GPC6: variants seen among roughly 807,000 people sequenced by gnomAD.
The protein encoded by GPC6 is glypican 6.
In GPC6, 14 loss-of-function variants were observed where a neutral mutation model predicts 55.2. That is an observed-to-expected ratio of 0.25 (90% CI 0.17 to 0.40). The LOEUF (loss-of-function observed/expected upper bound fraction) is 0.40, where lower values mean the gene tolerates loss of function less well. Ranked by LOEUF, GPC6 falls within the 10% of genes least tolerant of loss-of-function variation. The pLI, the probability that GPC6 is intolerant of heterozygous loss-of-function variation, is 1.00. For missense variants in GPC6, 641 were observed against 708.5 expected (o/e 0.90, Z 1.08); for synonymous variants, 278 against 259.6 (o/e 1.07, Z -0.68).
intron 3 of GPC6, among the ~76,000 whole-genome samples, chr13:93,972,762 T>C (rs1880338834): frequency 6.6e-6 from 1 of 152,154 alleles, no homozygotes; most frequent in African/African-American, 2.4e-5. Flanking sequence ...ATAGGCCCCT[T>C]CACCCCAATG....
intron 2 of GPC6, among the ~76,000 whole-genome samples, chr13:93,642,178 G>A (rs947239540): frequency 1.3e-5 from 2 of 151,882 alleles, no homozygotes; most frequent in East Asian, 3.9e-4. Context: ...AGTATCTATT[G>A]TTTCCCATCT....
intron 1 of GPC6, among the ~76,000 whole-genome samples, chr13:93,518,121 T>C (rs925355464): frequency 6.6e-6 from 1 of 151,974 alleles, no homozygotes; most frequent in Non-Finnish European, 1.5e-5. Flanking sequence ...AAGTTGATTC[T>C]TTTAAAGGAG....
At chr13:94,083,183 A>G (rs887308068) in intron 4 of GPC6, among the ~76,000 whole-genome samples, 1 of 152,018 alleles carries the variant, frequency 6.6e-6, no homozygotes, top group Non-Finnish European at 1.5e-5. Flanking sequence ...CAGTGGTGCA[A>G]TCTCGGGTCA....
At chr13:93,368,185 G>A (rs998402538) in intron 1 of GPC6, among the ~76,000 whole-genome samples, 1 of 151,826 alleles carries the variant, frequency 6.6e-6, no homozygotes, top group African/African-American at 2.4e-5. Flanking sequence ...TCTTCTCTAT[G>A]TTCAATAATT....
chr13:93,963,566 G>A (rs982296959), intron 3 of GPC6, among the ~76,000 whole-genome samples: 6 of 152,134 alleles, frequency 3.9e-5, no homozygotes, highest in African/African-American at 1.4e-4. Context: ...TAACAGTTCA[G>A]AAAAGATCTG....
chr13:94,154,183 A>G (rs1285906097), intron 4 of GPC6: 7 of 152,134 alleles, frequency 4.6e-5, no homozygotes, highest in Non-Finnish European at 8.8e-5. Context: ...ATATCTCATG[A>G]TGCAGGTTGC....
At chr13:94,346,950 T>C (rs575591301) in intron 6 of GPC6, among the ~76,000 whole-genome samples, 3 of 152,264 alleles carry the variant, frequency 2.0e-5, no homozygotes, top group Admixed American at 2.0e-4. Context: ...TACACTTTCA[T>C]CTAGTTCATT....
At chr13:94,220,691 C>A (rs543462042) in intron 4 of GPC6, among the ~76,000 whole-genome samples, 2 of 152,192 alleles carry the variant, frequency 1.3e-5, no homozygotes, top group South Asian at 2.1e-4. Context: ...CTAGGCCTCT[C>A]TTCTAGTGAT....
At chr13:93,399,544 C>T (rs1224951145) in intron 1 of GPC6, among the ~76,000 whole-genome samples, 1 of 152,194 alleles carries the variant, frequency 6.6e-6, no homozygotes, top group Non-Finnish European at 1.5e-5. Flanking sequence ...CCTACGCATA[C>T]ACGAGATGCT....
rs557626320 is a variant in GPC6, at chr13:93,983,431, G to T, written c.712-44298G>T. ...ACACTGAGTTTATTAAATTCATCGT[G>T]TTTTTTTTTTAATTACTTTTTAGAG... On this transcript the variant is annotated intron_variant, in intron 3 of 8. Transcript: ENST00000377047. 9.9e-4 allele frequency among the ~76,000 whole-genome samples: 142 copies of T among 144,112 alleles called. 1 individual carries two copies. The highest frequency in any genetic ancestry group is 4.2e-3 in the South Asian group (17 of 4,066). 94.5% of individuals were successfully genotyped at this position (144,112 alleles called of 152,430 possible).
At chr13:94,302,543 TAA>T (rs1340071173) in intron 5 of GPC6, among the ~76,000 whole-genome samples, 1 of 152,262 alleles carries the variant, frequency 6.6e-6, no homozygotes. Context: ...GTAAGTCATC[TAA>T]GTTATATGAT....
chr13:93,885,319 A>G (rs954227337), intron 3 of GPC6, among the ~76,000 whole-genome samples: 1 of 150,084 alleles, frequency 6.7e-6, no homozygotes, highest in African/African-American at 2.5e-5. Flanking sequence ...TTTACTATTG[A>G]TCATGCATTA....
chr13:94,227,344 A>T (rs1324720759), intron 4 of GPC6, among the ~76,000 whole-genome samples: 1 of 152,142 alleles, frequency 6.6e-6, no homozygotes, highest in East Asian at 1.9e-4. Flanking sequence ...GTGAAGGAAA[A>T]AAATCACTTA....
At chr13:94,252,830 G>T (rs1891397315) in intron 4 of GPC6, among the ~76,000 whole-genome samples, 1 of 151,964 alleles carries the variant, frequency 6.6e-6, no homozygotes, top group Non-Finnish European at 1.5e-5. Flanking sequence ...CAACTAAAAT[G>T]GATAGAAATG....
chr13:94,195,437 A>G (rs1354634872), intron 4 of GPC6, among the ~76,000 whole-genome samples: 2 of 152,242 alleles, frequency 1.3e-5, no homozygotes, highest in Non-Finnish European at 2.9e-5. Context: ...GGTTTTAAAT[A>G]ATAAAATCGA....
intron 4 of GPC6, among the ~76,000 whole-genome samples, chr13:94,097,575 T>C (rs1387092829): frequency 6.6e-6 from 1 of 151,080 alleles, no homozygotes; most frequent in Non-Finnish European, 1.5e-5. Context: ...ATTTGCAGTA[T>C]GAAAAGTTCT....
At position 94,011,363 on chromosome 13, in the gene GPC6, G is replaced by A. The variant is rs539323456; in HGVS notation, c.712-16366G>A. Among the ~76,000 whole-genome samples the A allele has an allele frequency of 2.0e-4, 30 of 152,102 alleles. 1 individual carries two copies. In the South Asian group the frequency reaches 6.2e-3, roughly 32 times the overall value. On this transcript the variant is annotated intron_variant, in intron 3 of 8. Transcript: ENST00000377047. ...TATTCAAGCAACCATGCATTATTTG[G>A]GGAAACTATATTTTATGTTGCCTTG...
intron 5 of GPC6, among the ~76,000 whole-genome samples, chr13:94,305,591 A>G (rs1875902759): frequency 6.6e-6 from 1 of 152,164 alleles, no homozygotes; most frequent in Non-Finnish European, 1.5e-5. Context: ...AAATAAGGAG[A>G]GTGTCTTCTC....
intron 1 of GPC6, among the ~76,000 whole-genome samples, chr13:93,339,057 G>C (rs796559830): frequency 3.3e-5 from 5 of 152,240 alleles, no homozygotes; most frequent in African/African-American, 1.2e-4. Context: ...GTGATGAAAG[G>C]CTTGCTCACA....
Sources: allele counts gnomAD v4.1 joint callset (sites outside exome capture counted in the v4.1 genomes callset), GRCh38; gene constraint gnomAD v4.1.1; transcripts MANE v1.5; gene names NCBI Gene and HGNC (gene_info 2026-07-23, HGNC 2026-07-21).